Variants in LAP3 observed in about 807,000 individuals in gnomAD.
LAP3 encodes leucine aminopeptidase 3.
A neutral mutation model predicts 58.8 loss-of-function variants in LAP3; 46 were observed. The observed-to-expected ratio is 0.78, with a 90% CI of 0.62 to 1.00. LAP3 has a LOEUF of 1.00. Ranked by LOEUF, LAP3 falls within the 50% of genes least tolerant of loss-of-function variation. The pLI is 0.00. For missense variants in LAP3, 615 were observed against 659.1 expected (o/e 0.93, Z 0.73); for synonymous variants, 257 against 237.7 (o/e 1.08, Z -0.75).
At chr4:17,589,913 CTCCCATTAATCTTAT>C (rs755386024) in intron 7 of LAP3, among the ~76,000 whole-genome samples, 108 of 152,194 alleles carry the variant, frequency 7.1e-4, no homozygotes, top group Non-Finnish European at 1.4e-3. Context: ...ACCAGTCTAG[CTCCCATTAATCTTAT>C]TCAACCATAA....
chr4:17,587,493 C>G (rs1713555200), intron 6 of LAP3: 1 of 147,580 alleles, frequency 6.8e-6, no homozygotes, highest in Admixed American at 6.7e-5. Context: ...AATTTTTTTC[C>G]CTTTGAAGTG....
At chr4:17,590,822 G>A (rs1361179928) in intron 7 of LAP3, among the ~76,000 whole-genome samples, 2 of 151,798 alleles carry the variant, frequency 1.3e-5, no homozygotes, top group Admixed American at 6.6e-5. Context: ...TGCCCGCCTC[G>A]GTCTCCTGAA....
chr4:17,597,678 A>G (rs1713865432), intron 9 of LAP3, among the ~76,000 whole-genome samples: 4 of 152,240 alleles, frequency 2.6e-5, no homozygotes, highest in Admixed American at 2.6e-4. Flanking sequence ...ACATGTGTAT[A>G]CACACGTTTC....
rs1713245293 is a variant in LAP3, at chr4:17,577,672, A to G, written c.102+105A>G. 3 of 865,478 alleles carry G rather than the reference A, an allele frequency of 3.5e-6. No homozygotes were observed. The South Asian group carries it at 4.9e-5, about 14-fold the overall frequency. 53.6% of individuals were successfully genotyped at this position (865,478 alleles called of 1,614,324 possible). A position where few individuals can be genotyped will look rare whatever the true frequency, so the allele number is the denominator to read the frequency against. ...CGCGGTGTCCTGGGCGCCCAAGCCA[A>G]GTTGCAAAAATCAGTTTAAAAGAAA... On this transcript the variant is annotated intron_variant, in intron 1 of 12. Transcript: ENST00000226299.
At chr4:17,591,421 G>A (rs1233835998) in intron 7 of LAP3, among the ~76,000 whole-genome samples, 2 of 152,144 alleles carry the variant, frequency 1.3e-5, no homozygotes, top group African/African-American at 4.8e-5. Context: ...GATTACCGGT[G>A]TGAGCCACCA....
At chr4:17,601,198 T>G (rs1713973275) in intron 10 of LAP3, among the ~76,000 whole-genome samples, 2 of 152,218 alleles carry the variant, frequency 1.3e-5, no homozygotes, top group Non-Finnish European at 1.5e-5. Flanking sequence ...CATTGATCAG[T>G]GAGCATCACA....
intron 9 of LAP3, among the ~76,000 whole-genome samples, chr4:17,598,189 G>T (rs1450989654): frequency 6.6e-6 from 1 of 151,964 alleles, no homozygotes; most frequent in Non-Finnish European, 1.5e-5. Context: ...ATTAGAAATG[G>T]GGTTTCACCA....
intron 10 of LAP3, among the ~76,000 whole-genome samples, chr4:17,603,386 G>C (rs1034220011): frequency 6.6e-6 from 1 of 152,090 alleles, no homozygotes; most frequent in Non-Finnish European, 1.5e-5. Context: ...GGCTGGGCAT[G>C]ATAGCTCATG....
intron 7 of LAP3, among the ~76,000 whole-genome samples, chr4:17,592,957 C>T (rs1713725561): frequency 6.6e-6 from 1 of 152,178 alleles, no homozygotes; most frequent in African/African-American, 2.4e-5. Context: ...CACCACCATG[C>T]CTGGCTAATT....
intron 5 of LAP3, among the ~76,000 whole-genome samples, chr4:17,584,308 C>T (rs564000874): frequency 2.0e-5 from 3 of 152,284 alleles, no homozygotes; most frequent in South Asian, 2.1e-4. Flanking sequence ...GTTGTAATAC[C>T]GATTTCATGG....
Position 17,579,946 on chromosome 4 carries a change from G to A in LAP3, c.218+7G>A. ...TGAGAGAGACTTTGAACATGTAAGT[G>A]TTGCTTGTGGGCTCTAGTTCTTAAA... On this transcript the variant is annotated splice_region_variant and intron_variant, in intron 2 of 12. Coordinates refer to ENST00000226299, the MANE Select transcript of LAP3 (RefSeq NM_015907.3). 6.7e-7 allele frequency: 1 copy of A among 1,502,324 alleles called. No individual in the cohort carries two copies. The highest frequency in any genetic ancestry group is 9.2e-7 in the Non-Finnish European group (1 of 1,083,646). 93.1% of individuals were successfully genotyped at this position (1,502,324 alleles called of 1,614,324 possible). A position where few individuals can be genotyped will look rare whatever the true frequency, so the allele number is the denominator to read the frequency against.
chr4:17,604,814 T>C (rs575831302), intron 11 of LAP3, 147 bp downstream of exon 11: 31 of 660,728 alleles, frequency 4.7e-5, no homozygotes, highest in African/African-American at 3.8e-4. Flanking sequence ...CAGCAATAGA[T>C]TGAGTTCAGT....
At chr4:17,579,771 T>C (rs1435744135) in intron 1 of LAP3, 53 bp from the exon 2 acceptor site, 3 of 1,009,098 alleles carry the variant, frequency 3.0e-6, no homozygotes. Flanking sequence ...CCTGAGCCTC[T>C]CTAAGGGATC....
At chr4:17,587,429 GTTTT>G (rs10585004) in intron 6 of LAP3, 89,673 of 144,520 alleles carry the variant, frequency 0.62, 27,864 homozygotes, top group East Asian at 0.88. Flanking sequence ...TGTTGTTGTT[GTTTT>G]TTTTTTTTTT....
chr4:17,590,813 G>A (rs923745294), intron 7 of LAP3, among the ~76,000 whole-genome samples: 1 of 151,842 alleles, frequency 6.6e-6, no homozygotes, highest in Non-Finnish European at 1.5e-5. Flanking sequence ...CTCGTCATCT[G>A]CCCGCCTCGG....
chr4:17,604,270 CAAAAAAAAA>C (rs1188734524), intron 10 of LAP3, among the ~76,000 whole-genome samples: 3 of 51,084 alleles, frequency 5.9e-5, no homozygotes, highest in African/African-American at 1.1e-4. Context: ...AGACCTTTCT[CAAAAAAAAA>C]AAAAAAAAAA....
intron 7 of LAP3, among the ~76,000 whole-genome samples, chr4:17,590,579 T>C (rs575172718): frequency 6.6e-6 from 1 of 152,312 alleles, no homozygotes; most frequent in South Asian, 2.1e-4. Flanking sequence ...ATTTTATTTA[T>C]TTATTTTTTT....
chr4:17,601,704 C>CTT (rs2109023773), intron 10 of LAP3, among the ~76,000 whole-genome samples: 1 of 152,180 alleles, frequency 6.6e-6, no homozygotes, highest in African/African-American at 2.4e-5. Flanking sequence ...ACACTTAAGT[C>CTT]ATCTCTAGAT....
intron 2 of LAP3, among the ~76,000 whole-genome samples, 194 bp downstream of exon 2, chr4:17,580,133 G>T (rs1252421938): frequency 9.1e-6 from 1 of 109,616 alleles, no homozygotes; most frequent in Non-Finnish European, 1.8e-5. Context: ...AAGTATCTGG[G>T]ATCACAGGCA....
Sources: allele counts gnomAD v4.1 joint callset (sites outside exome capture counted in the v4.1 genomes callset), GRCh38; gene constraint gnomAD v4.1.1; transcripts MANE v1.5; gene names NCBI Gene and HGNC (gene_info 2026-07-23, HGNC 2026-07-21).